The following CARMIL1 variants were observed in gnomAD, a reference collection of about 807,000 sequenced individuals.
The protein encoded by CARMIL1 is capping protein regulator and myosin 1 linker 1, also known as F-actin-uncapping protein LRRC16A.
Under a neutral mutation model 177.1 loss-of-function variants are expected in CARMIL1, and 90 were observed. That is an observed-to-expected ratio of 0.51 (90% CI 0.43 to 0.61). CARMIL1 has a LOEUF of 0.61. Ranked by LOEUF, CARMIL1 falls within the 20% of genes least tolerant of loss-of-function variation. The pLI, the probability that CARMIL1 is intolerant of heterozygous loss-of-function variation, is 0.00. For missense variants in CARMIL1, 1,380 were observed against 1,667.0 expected (o/e 0.83, Z 3.00); for synonymous variants, 577 against 606.2 (o/e 0.95, Z 0.71).
intron 31 of CARMIL1, among the ~76,000 whole-genome samples, chr6:25,591,136 C>CT (rs1814260993): frequency 6.6e-6 from 1 of 152,210 alleles, no homozygotes; most frequent in South Asian, 2.1e-4. Flanking sequence ...GCCCATTCCT[C>CT]TCCATCTAGC....
At chr6:25,589,518 T>C (rs1416669843) in intron 31 of CARMIL1, among the ~76,000 whole-genome samples, 1 of 152,186 alleles carries the variant, frequency 6.6e-6, no homozygotes, top group African/African-American at 2.4e-5. Context: ...AGACAGGGTC[T>C]CACCTGTCAC....
At chr6:25,343,597 TCTCA>T (rs1243621880) in intron 2 of CARMIL1, among the ~76,000 whole-genome samples, 8 of 152,184 alleles carry the variant, frequency 5.3e-5, no homozygotes, top group African/African-American at 1.9e-4. Flanking sequence ...CCGTGTCATC[TCTCA>T]CTCCTGTGTC....
intron 2 of CARMIL1, among the ~76,000 whole-genome samples, chr6:25,298,314 A>G (rs1228221863): frequency 1.3e-5 from 2 of 152,158 alleles, no homozygotes; most frequent in African/African-American, 2.4e-5. Flanking sequence ...TCAACTTTGC[A>G]TGTCTTCCTG....
At chr6:25,569,723 C>T (rs1369753311) in intron 29 of CARMIL1, among the ~76,000 whole-genome samples, 1 of 152,172 alleles carries the variant, frequency 6.6e-6, no homozygotes, top group Non-Finnish European at 1.5e-5. Context: ...GATTATTCAT[C>T]TTGATGTCAC....
intron 24 of CARMIL1, among the ~76,000 whole-genome samples, chr6:25,531,527 C>A (rs755065554): frequency 4.6e-5 from 7 of 152,040 alleles, no homozygotes; most frequent in South Asian, 4.2e-4. Flanking sequence ...AGTAAATATG[C>A]ATTATTTAAG....
At chr6:25,529,337 A>G (rs1247502361) in intron 24 of CARMIL1, among the ~76,000 whole-genome samples, 3 of 152,304 alleles carry the variant, frequency 2.0e-5, no homozygotes, top group Non-Finnish European at 4.4e-5. Flanking sequence ...AAGTTTGATG[A>G]ATATTAATTA....
At chr6:25,450,197 G>A in intron 6 of CARMIL1, 142 bp from the exon 7 acceptor site, 1 of 730,000 alleles carries the variant, frequency 1.4e-6, no homozygotes, top group South Asian at 1.7e-5. Context: ...TATAGAACAG[G>A]GAGGAGAATC....
At chr6:25,376,984 C>G (rs2150464420) in intron 2 of CARMIL1, among the ~76,000 whole-genome samples, 1 of 152,278 alleles carries the variant, frequency 6.6e-6, no homozygotes. Flanking sequence ...ACCCAGAGTT[C>G]CAGCTATTCT....
rs62393678 is a variant in CARMIL1 at position 25,600,759 on chromosome 6, C to G, written c.3552+13C>G. 8.2e-6 allele frequency: 12 copies of G among 1,467,110 alleles called. No homozygotes were observed. The highest frequency in any genetic ancestry group is 1.8e-4 in the Middle Eastern group (1 of 5,462). 90.9% of individuals were successfully genotyped at this position (1,467,110 alleles called of 1,614,324 possible). On this transcript the variant is annotated intron_variant, in intron 33 of 36. Coordinates refer to ENST00000329474, the MANE Select transcript of CARMIL1 (RefSeq NM_017640.6). ...GTGTGCGCAGAAGGTAAGGGTGGAC[C>G]TATTTTTAATTCATTCATTTATTTG... is the stretch of plus-strand genomic sequence containing the variant.
At chr6:25,562,539 AC>A (rs1811219995) in intron 29 of CARMIL1, among the ~76,000 whole-genome samples, 1 of 152,064 alleles carries the variant, frequency 6.6e-6, no homozygotes, top group South Asian at 2.1e-4. Context: ...GAGCCACCGC[AC>A]CCGGCCAGAC....
At chr6:25,540,339 TA>T (rs1808768689) in intron 26 of CARMIL1, among the ~76,000 whole-genome samples, 2 of 152,344 alleles carry the variant, frequency 1.3e-5, no homozygotes, top group South Asian at 4.1e-4. Context: ...GATTTCTATT[TA>T]GGGGGTAGAA....
At chr6:25,342,829 G>A (rs1455061079) in intron 2 of CARMIL1, among the ~76,000 whole-genome samples, 4 of 152,132 alleles carry the variant, frequency 2.6e-5, no homozygotes, top group African/African-American at 7.2e-5. Context: ...TAAAATTATA[G>A]GATTTAATTG....
At chr6:25,330,734 C>CA (rs932083075) in intron 2 of CARMIL1, among the ~76,000 whole-genome samples, 5 of 150,762 alleles carry the variant, frequency 3.3e-5, no homozygotes, top group Admixed American at 2.0e-4. Context: ...TGGAGTGGCA[C>CA]AAGCCATGAT....
intron 24 of CARMIL1, among the ~76,000 whole-genome samples, chr6:25,537,106 A>G (rs1240486230): frequency 6.6e-6 from 1 of 152,156 alleles, no homozygotes; most frequent in Non-Finnish European, 1.5e-5. Context: ...TTTGTCTACC[A>G]TAGAGATCCA....
chr6:25,480,633 A>T (rs1320795130), intron 11 of CARMIL1, among the ~76,000 whole-genome samples: 1 of 111,962 alleles, frequency 8.9e-6, no homozygotes, highest in African/African-American at 3.6e-5. Flanking sequence ...TAATATTTTT[A>T]AATAAAATAA....
At chr6:25,406,986 T>C (rs1320725341) in intron 2 of CARMIL1, among the ~76,000 whole-genome samples, 1 of 152,032 alleles carries the variant, frequency 6.6e-6, no homozygotes, top group Non-Finnish European at 1.5e-5. Flanking sequence ...TGAAAATGTA[T>C]GGAAACGAGA....
Position 25,500,016 on chromosome 6 carries a change from G to A in CARMIL1, c.1326-150G>A, listed in dbSNP as rs561618633. The A allele has an allele frequency of 6.4e-4, 409 of 642,940 alleles. 1 individual carries two copies. In the African/African-American group the frequency reaches 6.7e-3, roughly 11 times the overall value. The allele number at this position is 642,940 out of a possible 1,614,324, so 39.8% of individuals were successfully genotyped here. On this transcript the variant is annotated intron_variant, in intron 16 of 36. Transcript: ENST00000329474. The stretch of plus-strand genomic sequence containing the variant: ...TAGTTGTGAGGCAGAAATGCTGTTG[G>A]CATTTTAAAAAGTAAGAGGGTGCTT...
chr6:25,617,565 T>C (rs1481965715), intron 36 of CARMIL1, among the ~76,000 whole-genome samples: 1 of 152,230 alleles, frequency 6.6e-6, no homozygotes, highest in Non-Finnish European at 1.5e-5. Flanking sequence ...CAACCTATTT[T>C]GGTTTTAAAA....
chr6:25,290,068 T>C (rs1781821119), intron 2 of CARMIL1, among the ~76,000 whole-genome samples: 1 of 152,216 alleles, frequency 6.6e-6, no homozygotes, highest in Non-Finnish European at 1.5e-5. Flanking sequence ...CTAGTTTCTC[T>C]AAATCCTTGG....
Sources: gnomAD v4.1 joint callset for allele counts (sites outside exome capture counted in the v4.1 genomes callset) on GRCh38, gnomAD v4.1.1 for gene constraint, MANE v1.5 for transcripts, NCBI Gene and HGNC (gene_info 2026-07-23, HGNC 2026-07-21) for gene names.